The following GYS1 variants were observed in gnomAD, a reference collection of about 807,000 sequenced individuals.
The protein encoded by GYS1 is glycogen synthase 1, also known as glycogen [starch] synthase, muscle.
Under a neutral mutation model 89.1 loss-of-function variants are expected in GYS1, and 60 were observed. The ratio of observed to expected loss-of-function variants is 0.67; its 90% CI spans 0.55 to 0.84. GYS1 has a LOEUF of 0.84. Among genes scored for constraint, GYS1 ranks in the 40% least tolerant of loss-of-function variants. The pLI, the probability that GYS1 is intolerant of heterozygous loss-of-function variation, is 0.00. For synonymous variants in GYS1, 366 were observed against 401.7 expected (o/e 0.91, Z 1.06); for missense variants, 888 against 1,003.1 (o/e 0.89, Z 1.55).
At chr19:48,980,143 G>A (rs765447493) in intron 8 of GYS1, among the ~76,000 whole-genome samples, 5 of 151,856 alleles carry the variant, frequency 3.3e-5, no homozygotes, top group Non-Finnish European at 7.4e-5. Context: ...CAGCCCCATG[G>A]GACTCCCCAC....
chr19:48,970,339 T>C (rs2038542437), intron 14 of GYS1: 2 of 579,510 alleles, frequency 3.5e-6, no homozygotes, highest in Non-Finnish European at 6.2e-6. Context: ...GGCTGGTCTC[T>C]TAACTCCTGA....
chr19:48,986,070 G>T, intron 3 of GYS1, 35 bp from the exon 4 acceptor site: 2 of 1,600,218 alleles, frequency 1.2e-6, no homozygotes, highest in Non-Finnish European at 8.6e-7. Flanking sequence ...CTGTCTCCAC[G>T]AGTGTTGGGA....
At chr19:48,974,797 G>A in intron 10 of GYS1, 64 bp from the exon 11 acceptor site, 2 of 1,148,770 alleles carry the variant, frequency 1.7e-6, no homozygotes, top group Non-Finnish European at 2.6e-6. Flanking sequence ...ACTTCCTCAT[G>A]AGCCATGCGG....
In GYS1 at chr19:48,969,397, G is replaced by A. The variant is rs1375243403; in HGVS notation, c.2105C>T (p.Ser702Phe). The A allele has an allele frequency of 9.6e-6, 15 of 1,564,234 alleles. No individual in the cohort carries two copies. The highest frequency in any genetic ancestry group is 1.2e-5 in the South Asian group (1 of 85,608). Residue 702 changes from serine to phenylalanine, a missense_variant, in exon 16 of 16, where the codon TCC becomes TTC. Coordinates refer to ENST00000323798, the MANE Select transcript of GYS1 (RefSeq NM_002103.5). ...AGAGTTGCGCTTGCTGCCGCTGGTG[G>A]AGGAGGTGCAGGACGCTCGGCGCGG... ...EWPRRASCTS[S>F]TSGSKRNSVD...
At chr19:48,981,303 C>T in intron 8 of GYS1, 1 of 520,516 alleles carries the variant, frequency 1.9e-6, no homozygotes, top group South Asian at 2.0e-5. Flanking sequence ...GTCCCAGCTA[C>T]TCGAGAGGCT....
intron 8 of GYS1, among the ~76,000 whole-genome samples, chr19:48,979,939 G>T (rs549489412): frequency 6.6e-6 from 1 of 151,774 alleles, no homozygotes; most frequent in East Asian, 1.9e-4. Flanking sequence ...GAGCCACCAC[G>T]CCCGACTTCT....
rs540381026 is a variant in GYS1 at position 48,968,286 on chromosome 19, G to A, written c.*1002C>T. 2.2e-6 allele frequency: 1 copy of A among 454,446 alleles called. No homozygotes were observed. The highest frequency in any genetic ancestry group is 1.6e-5 in the South Asian group (1 of 64,476). The allele number at this position is 454,446 out of a possible 1,614,324, so 28.2% of individuals were successfully genotyped here. A position where few individuals can be genotyped will look rare whatever the true frequency, so the allele number is the denominator to read the frequency against. Reference sequence around the variant, plus strand: ...TCACCAAAGCTGAAGGCAGGGCACAGTTTGGGGATGGAAGAGCCTCGAGGT... The same window carrying A: ...TCACCAAAGCTGAAGGCAGGGCACAATTTGGGGATGGAAGAGCCTCGAGGT... On this transcript the variant is annotated 3_prime_UTR_variant, in exon 16 of 16. Transcript: ENST00000323798.
chr19:48,984,994 C>T (rs1050907626), intron 5 of GYS1, among the ~76,000 whole-genome samples: 44 of 152,208 alleles, frequency 2.9e-4, no homozygotes, highest in African/African-American at 1.0e-3. Flanking sequence ...CTAGCCTAAG[C>T]TATGATGTTC....
chr19:48,970,805 C>T (rs573017660), intron 13 of GYS1, 96 bp from the exon 14 acceptor site: 6 of 1,413,942 alleles, frequency 4.2e-6, no homozygotes, highest in Non-Finnish European at 6.0e-6. Context: ...CTCCCAGCGG[C>T]CCGAGAGCCC....
rs115457576 is a variant in GYS1 at position 48,985,337 on chromosome 19, G to A, written c.823+124C>T. 1,023 of 995,732 alleles carry A rather than the reference G, an allele frequency of 1.0e-3. 4 individuals carry two copies. The African/African-American group carries it at 0.014, about 14-fold the overall frequency. 61.7% of individuals were successfully genotyped at this position (995,732 alleles called of 1,614,324 possible). On this transcript the variant is annotated intron_variant, in intron 5 of 15. Transcript: ENST00000323798. The stretch of plus-strand genomic sequence containing the variant: ...CAGGTGTGAGCCACCATGCCCAGCC[G>A]AAATACGTTTTCGGTTTATGCTATT...
chr19:48,979,132 G>T (rs188135789), intron 8 of GYS1, among the ~76,000 whole-genome samples: 40 of 152,106 alleles, frequency 2.6e-4, no homozygotes, highest in African/African-American at 9.2e-4. Context: ...CTATTATTAG[G>T]ACTTGTACTT....
rs1338075033 is a variant in GYS1 at position 48,969,302 on chromosome 19, C to A, written c.2200G>T (p.Glu734Ter). 1.3e-6 allele frequency: 2 copies of A among 1,562,306 alleles called. No homozygotes were observed. Among genetic ancestry groups the A allele is most frequent in the African/African-American group, 2.7e-5 (2 of 73,778 alleles). Reference protein sequence around the residue: ...EPLSPTSSLGEERN With the variant: ...EPLSPTSSLG ...GTGGGGCGGACTTAGTTACGCTCCTCGCCCAGGGAGCTGGTGGGGCTGAGG... is the reference window on the plus strand; with the variant it reads ...GTGGGGCGGACTTAGTTACGCTCCTAGCCCAGGGAGCTGGTGGGGCTGAGG... The change falls in exon 16 of 16, where the codon GAG becomes TAG. Residue 734 changes from glutamate to a stop codon, truncating the protein, a stop_gained. Transcript: ENST00000323798. LOFTEE classifies it high-confidence loss of function.
rs778452686 is a variant in GYS1 at position 48,970,971 on chromosome 19, G to A, written c.1602C>T (p.Phe534=). ...IPSISTNLSG[F]GCFMEEHIAD... is the part of the protein sequence containing the mutation. ...CGATGTGTTCCTCCATGAAGCAGCC[G>A]AAGCCGGAGAGATTGGTGGAGATAC... Residue 534 remains phenylalanine (F), a synonymous_variant, in exon 13 of 16, where the codon TTC becomes TTT. Transcript: ENST00000323798. 8 of 1,614,090 alleles carry A rather than the reference G, an allele frequency of 5.0e-6. No individual in the cohort carries two copies. Among genetic ancestry groups the A allele is most frequent in the East Asian group, 4.5e-5 (2 of 44,878 alleles).
At chr19:48,984,291 G>C (rs1344048856) in intron 5 of GYS1, among the ~76,000 whole-genome samples, 1 of 152,050 alleles carries the variant, frequency 6.6e-6, no homozygotes, top group African/African-American at 2.4e-5. Context: ...ACAGGTGTAA[G>C]CCACCGTGCC....
At chr19:48,970,758 A>G in intron 13 of GYS1, 49 bp from the exon 14 acceptor site, 1 of 1,583,298 alleles carries the variant, frequency 6.3e-7, no homozygotes, top group Non-Finnish European at 8.7e-7. Flanking sequence ...GGAGATCTTC[A>G]TGGTCTCCAG....
intron 3 of GYS1, 31 bp from the exon 4 acceptor site, chr19:48,986,066 C>G (rs2038839384): frequency 1.2e-6 from 2 of 1,606,790 alleles, no homozygotes; most frequent in Non-Finnish European, 1.7e-6. Context: ...GCCACTGTCT[C>G]CACGAGTGTT....
At chr19:48,980,364 G>A (rs1049172278) in intron 8 of GYS1, among the ~76,000 whole-genome samples, 1 of 152,116 alleles carries the variant, frequency 6.6e-6, no homozygotes, top group Non-Finnish European at 1.5e-5. Flanking sequence ...AGCTCCATGA[G>A]GAAAGGGATC....
Position 48,985,670 on chromosome 19 carries a change from C to T in GYS1, c.679-65G>A, listed in dbSNP as rs1045322168. The T allele has an allele frequency of 1.5e-4, 233 of 1,589,174 alleles. 2 individuals carry two copies. Among genetic ancestry groups the T allele is most frequent in the Non-Finnish European group, 2.4e-5 (28 of 1,158,598 alleles). On this transcript the variant is annotated intron_variant, in intron 4 of 15. Transcript: ENST00000323798. ...GGAGAAGACTCTGGAGGTCCAGACA[C>T]TGGGGTCCCAAGAGAAATTGGTGCT... is the stretch of plus-strand genomic sequence containing the variant.
At chr19:48,985,423 A>G in intron 5 of GYS1, 38 bp downstream of exon 5, 1 of 1,606,690 alleles carries the variant, frequency 6.2e-7, no homozygotes, top group Non-Finnish European at 8.5e-7. Context: ...ACAGCTGCCT[A>G]CCTCATTCAC....
Sources: gnomAD v4.1 joint callset for allele counts (sites outside exome capture counted in the v4.1 genomes callset) on GRCh38, gnomAD v4.1.1 for gene constraint, MANE v1.5 for transcripts, NCBI Gene and HGNC (gene_info 2026-07-23, HGNC 2026-07-21) for gene names.